SEL1L2: variants seen among roughly 807,000 people sequenced by gnomAD.
SEL1L2 encodes protein sel-1 homolog 2.
Under a neutral mutation model 98.8 loss-of-function variants are expected in SEL1L2, and 89 were observed. The observed-to-expected ratio is 0.90, with a 90% confidence interval of 0.76 to 1.07. The LOEUF (loss-of-function observed/expected upper bound fraction) is 1.07. Among genes scored for constraint, SEL1L2 ranks in the 50% least tolerant of loss-of-function variants. The pLI is 0.00. For synonymous variants in SEL1L2, 262 were observed against 278.5 expected (o/e 0.94, Z 0.59); for missense variants, 788 against 812.0 (o/e 0.97, Z 0.36).
intron 4 of SEL1L2, among the ~76,000 whole-genome samples, chr20:13,918,410 C>G (rs535323148): frequency 7.8e-4 from 119 of 152,196 alleles, no homozygotes; most frequent in African/African-American, 2.9e-3. Context: ...TTCTGCCTCC[C>G]CTTTAGACAA....
chr20:13,870,098 T>A, intron 13 of SEL1L2, 43 bp downstream of exon 13: 1 of 1,404,376 alleles, frequency 7.1e-7, no homozygotes, highest in Non-Finnish European at 1.0e-6. Context: ...TTTTACCCTG[T>A]AAATTGCTAC....
At chr20:13,983,026 A>AAAAAAAAAAAAAAAAAAAT (rs1569086151) in intron 1 of SEL1L2, among the ~76,000 whole-genome samples, 1 of 116,112 alleles carries the variant, frequency 8.6e-6, no homozygotes, top group African/African-American at 4.2e-5. Flanking sequence ...TCCATCTCAA[A>AAAAAAAAAAAAAAAAAAAT]AAAAAAAAAA....
intron 1 of SEL1L2, among the ~76,000 whole-genome samples, chr20:13,973,908 ATTTTTC>A (rs1193943859): frequency 2.0e-5 from 3 of 151,834 alleles, no homozygotes; most frequent in Non-Finnish European, 4.4e-5. Flanking sequence ...AGAGATATAT[ATTTTTC>A]TTTTTCTTTT....
rs534770481 is a variant in SEL1L2, at chr20:13,916,801, G to C, written c.386+2220C>G. Among the ~76,000 whole-genome samples, 5 of 152,130 alleles carry C rather than the reference G, an allele frequency of 3.3e-5. No individual in the cohort carries two copies. In the South Asian group the frequency reaches 1.0e-3, roughly 32 times the overall value. ...AGCCTGGGCAACAGAGTGAGACTCTGTCTCAAAAAAAGGTGGCGGGGGTGG... is the reference window on the plus strand; with the variant it reads ...AGCCTGGGCAACAGAGTGAGACTCTCTCTCAAAAAAAGGTGGCGGGGGTGG... On this transcript the variant is annotated intron_variant, in intron 4 of 19. Coordinates refer to ENST00000284951, the MANE Select transcript of SEL1L2 (RefSeq NM_025229.2).
chr20:13,878,546 T>C (rs1342974934), intron 10 of SEL1L2, among the ~76,000 whole-genome samples: 1 of 152,232 alleles, frequency 6.6e-6, no homozygotes, highest in Non-Finnish European at 1.5e-5. Flanking sequence ...CAGGTTGATG[T>C]GCAAAGACGT....
rs1600475277 is a variant in SEL1L2, at chr20:13,859,426, A to G, written c.1654T>C (p.Phe552Leu). ...TAATCTCCAATTTTTACTCTAGCAA[A>G]TGCATTGCCTGATAGAAATATTAGA... ...WNRAAIQGNAFARVKIGDYHY... is the reference protein window; with the variant it reads ...WNRAAIQGNALARVKIGDYHY... Residue 552 changes from phenylalanine to leucine, a missense_variant, in exon 18 of 20, where the codon TTT becomes CTT. Physicochemically the swap from Phe to Leu is conservative, Grantham distance 22. Transcript: ENST00000284951. 6 of 1,612,820 alleles carry G rather than the reference A, an allele frequency of 3.7e-6. No homozygotes were observed. Among genetic ancestry groups the G allele is most frequent in the East Asian group, 4.5e-5 (2 of 44,826 alleles).
At chr20:13,937,991 T>G (rs1010270719) in intron 2 of SEL1L2, among the ~76,000 whole-genome samples, 2 of 152,060 alleles carry the variant, frequency 1.3e-5, no homozygotes, top group African/African-American at 4.8e-5. Flanking sequence ...TAGGACCCAG[T>G]CCTATGGTAC....
rs561960387 is a variant in SEL1L2, at chr20:13,866,445, C to T, written c.1404+257G>A. On this transcript the variant is annotated intron_variant, in intron 15 of 19. Coordinates refer to ENST00000284951, the MANE Select transcript of SEL1L2 (RefSeq NM_025229.2). ...TGAATGCTGAAACAGAGCTCCTTAA[C>T]TGCATGTTGAGGTGAGCTCTGAACC... Among the ~76,000 whole-genome samples the T allele has an allele frequency of 2.6e-5, 4 of 152,318 alleles. No individual in the cohort carries two copies. The South Asian group carries it at 8.3e-4, about 32-fold the overall frequency.
At chr20:13,893,623 A>G (rs1393501177) in intron 5 of SEL1L2, among the ~76,000 whole-genome samples, 5 of 152,214 alleles carry the variant, frequency 3.3e-5, no homozygotes, top group Non-Finnish European at 5.9e-5. Context: ...TAGAAGATCA[A>G]TAACAAAAGA....
chr20:13,883,322 A>T (rs2046801653), intron 10 of SEL1L2, among the ~76,000 whole-genome samples: 1 of 152,172 alleles, frequency 6.6e-6, no homozygotes, highest in Non-Finnish European at 1.5e-5. Context: ...AGCTAAAGGA[A>T]ACTGAGAGAT....
intron 17 of SEL1L2, among the ~76,000 whole-genome samples, chr20:13,861,351 G>A (rs1191210025): frequency 6.6e-6 from 1 of 151,598 alleles, no homozygotes; most frequent in Non-Finnish European, 1.5e-5. Context: ...TCACCATATT[G>A]CTCTGGCTTG....
intron 1 of SEL1L2, among the ~76,000 whole-genome samples, chr20:13,982,155 T>C (rs1199407736): frequency 6.6e-6 from 1 of 152,194 alleles, no homozygotes; most frequent in African/African-American, 2.4e-5. Flanking sequence ...TGCTATTAAC[T>C]TTTTGTTGTT....
chr20:13,861,642 T>G (rs1352202856), intron 17 of SEL1L2, among the ~76,000 whole-genome samples: 2 of 152,156 alleles, frequency 1.3e-5, no homozygotes, highest in Non-Finnish European at 2.9e-5. Context: ...AAACCTCATA[T>G]TGTTTAGCTA....
chr20:13,897,769 G>A (rs1395212876), intron 5 of SEL1L2, among the ~76,000 whole-genome samples: 1 of 152,140 alleles, frequency 6.6e-6, no homozygotes, highest in Non-Finnish European at 1.5e-5. Flanking sequence ...GGAGACTGAG[G>A]CAGGAGAATC....
chr20:13,866,810 T>C lies in SEL1L2; in HGVS notation c.1296A>G (p.Lys432=). The C allele has an allele frequency of 1.2e-6, 2 of 1,612,948 alleles. No individual in the cohort carries two copies. Among genetic ancestry groups the C allele is most frequent in the Non-Finnish European group, 1.7e-6 (2 of 1,179,606 alleles). Residue 432 remains lysine, a synonymous_variant, in exon 15 of 20, where the codon AAA becomes AAG. Coordinates refer to ENST00000284951, the MANE Select transcript of SEL1L2 (RefSeq NM_025229.2). ...GIWKDYKLAF[K]YFYLASQSGQ... Reference sequence around the variant, plus strand: ...CACTCTGAGATGCCAGGTAAAAATATTTGAAGGCAAGTTTATAATCCTTCC... The same window carrying C: ...CACTCTGAGATGCCAGGTAAAAATACTTGAAGGCAAGTTTATAATCCTTCC...
intron 1 of SEL1L2, among the ~76,000 whole-genome samples, chr20:13,977,489 G>A (rs1569076464): frequency 6.6e-6 from 1 of 152,274 alleles, no homozygotes; most frequent in East Asian, 1.9e-4. Flanking sequence ...TTGATGGGGG[G>A]ATAGATCTTG....
At chr20:13,902,893 G>A (rs921907577) in intron 5 of SEL1L2, among the ~76,000 whole-genome samples, 19 of 152,060 alleles carry the variant, frequency 1.2e-4, no homozygotes, top group African/African-American at 3.1e-4. Flanking sequence ...CAAGGCGGGC[G>A]GATCATGAGG....
At chr20:13,988,087 A>G (rs2052328466) in intron 1 of SEL1L2, among the ~76,000 whole-genome samples, 1 of 152,186 alleles carries the variant, frequency 6.6e-6, no homozygotes, top group Non-Finnish European at 1.5e-5. Flanking sequence ...TTTTCTTCTA[A>G]GAGTTTTAAA....
At chr20:13,873,704 T>C (rs964573106) in intron 12 of SEL1L2, among the ~76,000 whole-genome samples, 1 of 152,188 alleles carries the variant, frequency 6.6e-6, no homozygotes, top group African/African-American at 2.4e-5. Flanking sequence ...AAAAGCCATA[T>C]GTATAGCCAA....
Sources: allele counts gnomAD v4.1 joint callset (sites outside exome capture counted in the v4.1 genomes callset), GRCh38; gene constraint gnomAD v4.1.1; transcripts MANE v1.5; gene names NCBI Gene and HGNC (gene_info 2026-07-23, HGNC 2026-07-21).